The following KDM5A variants were observed in gnomAD, a reference collection of about 807,000 sequenced individuals.
The protein encoded by KDM5A is lysine-specific demethylase 5A.
Under a neutral mutation model 193.5 loss-of-function variants are expected in KDM5A, and 42 were observed. The observed-to-expected ratio is 0.22, with a 90% CI of 0.17 to 0.28. The LOEUF is 0.28. Ranked by LOEUF, KDM5A falls within the 10% of genes least tolerant of loss-of-function variation. The probability of loss-of-function intolerance (pLI) is 1.00; values close to 1 mark genes in which losing one functional copy is unlikely to be tolerated. For missense variants in KDM5A, 1,692 were observed against 2,055.1 expected (o/e 0.82, Z 3.42); for synonymous variants, 796 against 718.1 (o/e 1.11, Z -1.73).
chr12:297,518 C>T (rs1330608669), intron 24 of KDM5A, among the ~76,000 whole-genome samples: 1 of 151,972 alleles, frequency 6.6e-6, no homozygotes, highest in Admixed American at 6.6e-5. Context: ...GAAAACAAAC[C>T]CATTAAGATT....
At position 317,139 on chromosome 12, in the gene KDM5A, C is replaced by T. The variant is rs141405508; in HGVS notation, c.2897+967G>A. On this transcript the variant is annotated intron_variant, in intron 19 of 27. Coordinates refer to ENST00000399788, the MANE Select transcript of KDM5A (RefSeq NM_001042603.3). The stretch of plus-strand genomic sequence containing the variant: ...CATTAAGTCCAATGGGGTGCTGATG[C>T]TAATACAGCCACTCAACATTCTCCT... Among the ~76,000 whole-genome samples the T allele has an allele frequency of 1.3e-3, 205 of 152,306 alleles. 3 individuals carry two copies. The East Asian group carries it at 0.019, about 14-fold the overall frequency.
At chr12:294,296 A>T (rs1266006398) in intron 26 of KDM5A, among the ~76,000 whole-genome samples, 1 of 152,212 alleles carries the variant, frequency 6.6e-6, no homozygotes, top group African/African-American at 2.4e-5. Flanking sequence ...CAGAAAGAAC[A>T]GGAGGAGGAA....
chr12:311,157 C>T, intron 20 of KDM5A, 93 bp from the exon 21 acceptor site: 1 of 1,064,968 alleles, frequency 9.4e-7, no homozygotes, highest in Non-Finnish European at 1.4e-6. Context: ...AGTGTTAGTT[C>T]TTTTATTAAA....
chr12:323,983 C>T (rs1943753904), intron 14 of KDM5A, among the ~76,000 whole-genome samples: 1 of 152,102 alleles, frequency 6.6e-6, no homozygotes. Flanking sequence ...AGTTTGGTAT[C>T]TAAGGATGCA....
Position 334,332 on chromosome 12 carries a change from T to G in KDM5A, c.1399A>C (p.Lys467Gln). The change falls in exon 11 of 28, where the codon AAA becomes CAA. Residue 467 changes from lysine to glutamine, a missense_variant. Transcript: ENST00000399788. ...ATTCCCACATAGAGCCACGGCACTT[T>G]CATACCAGAGATGTCCACATTAATA... ...AHINVDISGM[K>Q]VPWLYVGMCF... 1 of 1,614,124 alleles carries G rather than the reference T, an allele frequency of 6.2e-7. No homozygotes were observed. The highest frequency in any genetic ancestry group is 8.5e-7 in the Non-Finnish European group (1 of 1,179,970).
Position 334,576 on chromosome 12 carries a change from A to G in KDM5A, c.1309-154T>C, listed in dbSNP as rs533312495. On this transcript the variant is annotated intron_variant, in intron 10 of 27. Transcript: ENST00000399788. Reference sequence around the variant, plus strand: ...CTTTGCTATCCACTACATGTAACTCATATAACTAAACATTTAATCCTACCT... The same window carrying G: ...CTTTGCTATCCACTACATGTAACTCGTATAACTAAACATTTAATCCTACCT... Among the ~76,000 whole-genome samples the G allele has an allele frequency of 1.1e-3, 174 of 152,336 alleles. 1 individual carries two copies. The highest frequency in any genetic ancestry group is 3.5e-3 in the African/African-American group (147 of 41,582).
At chr12:344,354 C>G (rs537182787) in intron 10 of KDM5A, among the ~76,000 whole-genome samples, 2 of 152,160 alleles carry the variant, frequency 1.3e-5, no homozygotes, top group African/African-American at 4.8e-5. Flanking sequence ...AGGATATTAT[C>G]CAGGAGAACT....
intron 2 of KDM5A, 74 bp from the exon 3 acceptor site, chr12:384,227 A>AC: frequency 9.0e-7 from 1 of 1,108,424 alleles, no homozygotes; most frequent in South Asian, 1.2e-5. Context: ...GGGTCCCCAA[A>AC]CCCCAGGATG....
At chr12:368,844 T>C (rs1322812956) in intron 3 of KDM5A, among the ~76,000 whole-genome samples, 4 of 152,188 alleles carry the variant, frequency 2.6e-5, no homozygotes, top group Non-Finnish European at 5.9e-5. Context: ...CACCTCGTTA[T>C]GAGGCTACTG....
intron 3 of KDM5A, among the ~76,000 whole-genome samples, chr12:368,429 A>G (rs561698742): frequency 1.3e-5 from 2 of 152,158 alleles, no homozygotes; most frequent in Non-Finnish European, 2.9e-5. Flanking sequence ...CAGTTCTGTC[A>G]CTTACTAGTT....
At chr12:340,200 G>A (rs1943983308) in intron 10 of KDM5A, among the ~76,000 whole-genome samples, 1 of 151,964 alleles carries the variant, frequency 6.6e-6, no homozygotes, top group Non-Finnish European at 1.5e-5. Context: ...TTTTGAAGTT[G>A]GGTTATAAAA....
intron 10 of KDM5A, among the ~76,000 whole-genome samples, chr12:345,242 A>T (rs1195335617): frequency 6.6e-6 from 1 of 152,208 alleles, no homozygotes; most frequent in Non-Finnish European, 1.5e-5. Flanking sequence ...ATATGCACCC[A>T]ATACAGGAGC....
intron 26 of KDM5A, among the ~76,000 whole-genome samples, chr12:294,332 A>G (rs889902194): frequency 4.6e-5 from 7 of 152,224 alleles, no homozygotes; most frequent in African/African-American, 9.6e-5. Flanking sequence ...CTGAAGAAAC[A>G]TAACATAAAC....
intron 3 of KDM5A, among the ~76,000 whole-genome samples, chr12:367,388 C>T (rs537618656): frequency 1.3e-5 from 2 of 151,946 alleles, no homozygotes; most frequent in Non-Finnish European, 2.9e-5. Flanking sequence ...CCCATCTCTA[C>T]AAAAAAATTT....
chr12:370,514 G>GGCAT (rs1245598785), intron 3 of KDM5A, among the ~76,000 whole-genome samples: 1 of 152,202 alleles, frequency 6.6e-6, no homozygotes, highest in East Asian at 1.9e-4. Flanking sequence ...AAAGATACAT[G>GGCAT]GCATGCACTT....
chr12:330,095 A>ATATATATC (rs1437768215), intron 13 of KDM5A, among the ~76,000 whole-genome samples: 1 of 105,378 alleles, frequency 9.5e-6, no homozygotes, highest in South Asian at 2.8e-4. Context: ...GTATATATAT[A>ATATATATC]TATCTTATGA....
At chr12:316,319 G>T (rs1221603405) in intron 19 of KDM5A, among the ~76,000 whole-genome samples, 2 of 152,110 alleles carry the variant, frequency 1.3e-5, no homozygotes, top group Non-Finnish European at 2.9e-5. Flanking sequence ...GTAGCTCCAT[G>T]AAAGCAGAGA....
At chr12:297,016 CCA>C (rs770354444) in intron 25 of KDM5A, 23 bp downstream of exon 25, 2 of 1,611,078 alleles carry the variant, frequency 1.2e-6, no homozygotes, top group Admixed American at 1.7e-5. Flanking sequence ...CTTATGTTCC[CCA>C]CAGTTTTTTA....
At chr12:312,185 C>T (rs1018822096) in intron 20 of KDM5A, among the ~76,000 whole-genome samples, 4 of 152,164 alleles carry the variant, frequency 2.6e-5, no homozygotes, top group African/African-American at 4.8e-5. Flanking sequence ...GATTCGAGTA[C>T]ACTTTTATCT....
Sources: allele counts gnomAD v4.1 joint callset (sites outside exome capture counted in the v4.1 genomes callset), GRCh38; gene constraint gnomAD v4.1.1; transcripts MANE v1.5; gene names NCBI Gene and HGNC (gene_info 2026-07-23, HGNC 2026-07-21).